Variants in THADA observed in about 807,000 individuals in gnomAD.
The protein encoded by THADA is tRNA (32-2'-O)-methyltransferase regulator THADA.
A neutral mutation model predicts 219.8 loss-of-function variants in THADA; 213 were observed. That is an observed-to-expected ratio of 0.97 (90% confidence interval 0.87 to 1.09). The LOEUF (loss-of-function observed/expected upper bound fraction) is 1.09, where lower values mean the gene tolerates loss of function less well. Ranked by LOEUF, THADA falls within the 50% of genes least tolerant of loss-of-function variation. The pLI is 0.00. For missense variants in THADA, 2,956 were observed against 2,311.3 expected (o/e 1.28, Z -5.72); for synonymous variants, 1,018 against 828.9 (o/e 1.23, Z -3.92).
intron 24 of THADA, among the ~76,000 whole-genome samples, chr2:43,501,486 A>C (rs1358978192): frequency 6.6e-6 from 1 of 152,148 alleles, no homozygotes; most frequent in African/African-American, 2.4e-5. Flanking sequence ...AATTCTAACC[A>C]AAATTCCAAA....
At chr2:43,265,373 A>G (rs138559868) in intron 36 of THADA, among the ~76,000 whole-genome samples, 2 of 152,350 alleles carry the variant, frequency 1.3e-5, no homozygotes, top group East Asian at 1.9e-4. Context: ...CAGAGCCTCA[A>G]TCACTCTGCT....
intron 29 of THADA, among the ~76,000 whole-genome samples, chr2:43,361,590 T>C (rs2104590278): frequency 6.6e-6 from 1 of 152,354 alleles, no homozygotes; most frequent in Admixed American, 6.5e-5. Flanking sequence ...TGGCAGGTGT[T>C]TTGACTTGAC....
At chr2:43,580,123 CAACT>C (rs750786733) in intron 8 of THADA, among the ~76,000 whole-genome samples, 85 of 147,154 alleles carry the variant, frequency 5.8e-4, no homozygotes, top group Non-Finnish European at 1.1e-3. Context: ...CTCCCGGGTT[CAACT>C]GATTCCCCTG....
chr2:43,259,953 G>C (rs1364174041), intron 36 of THADA, among the ~76,000 whole-genome samples: 1 of 152,152 alleles, frequency 6.6e-6, no homozygotes, highest in Non-Finnish European at 1.5e-5. Flanking sequence ...GATCATGCCT[G>C]TTCCTTCACA....
chr2:43,347,100 C>G (rs977927450), intron 29 of THADA, among the ~76,000 whole-genome samples: 1 of 152,044 alleles, frequency 6.6e-6, no homozygotes, highest in Non-Finnish European at 1.5e-5. Flanking sequence ...GGCAGGAAGG[C>G]TAGATTAGTG....
chr2:43,397,288 G>A (rs1383846740), intron 29 of THADA, among the ~76,000 whole-genome samples: 1 of 152,090 alleles, frequency 6.6e-6, no homozygotes, highest in Non-Finnish European at 1.5e-5. Context: ...CTAACCGCAT[G>A]CCTATATGAG....
intron 29 of THADA, among the ~76,000 whole-genome samples, chr2:43,345,789 A>G (rs981557840): frequency 1.3e-5 from 2 of 152,206 alleles, no homozygotes; most frequent in African/African-American, 4.8e-5. Context: ...GACACCAGCA[A>G]AATGCATGAC....
At chr2:43,467,296 A>T (rs1044969125) in intron 26 of THADA, among the ~76,000 whole-genome samples, 2 of 152,162 alleles carry the variant, frequency 1.3e-5, no homozygotes, top group African/African-American at 4.8e-5. Context: ...ATGTAGTGCA[A>T]ATTTGAACAC....
chr2:43,482,648 G>C (rs1202788001), intron 26 of THADA, among the ~76,000 whole-genome samples: 1 of 152,048 alleles, frequency 6.6e-6, no homozygotes, highest in Non-Finnish European at 1.5e-5. Flanking sequence ...TTATTCATTA[G>C]GCAATTATTC....
intron 25 of THADA, among the ~76,000 whole-genome samples, chr2:43,497,555 A>G (rs565966132): frequency 6.6e-6 from 1 of 152,252 alleles, no homozygotes; most frequent in South Asian, 2.1e-4. Flanking sequence ...AGGGAGGGAG[A>G]ACATCAGGAC....
intron 29 of THADA, among the ~76,000 whole-genome samples, chr2:43,375,581 T>C (rs2104636402): frequency 6.6e-6 from 1 of 152,286 alleles, no homozygotes; most frequent in African/African-American, 2.4e-5. Flanking sequence ...TCCAAAAGAG[T>C]AGCGTTAAAG....
Position 43,231,229 on chromosome 2 carries a change from G to A in THADA, c.5581C>T (p.Arg1861Cys), listed in dbSNP as rs775528670. The A allele has an allele frequency of 2.2e-5, 35 of 1,613,592 alleles. No individual in the cohort carries two copies. Among genetic ancestry groups the A allele is most frequent in the East Asian group, 6.7e-5 (3 of 44,870 alleles). ...LFCLLSKSGWRPPSPEMLCHL... is the reference protein window; with the variant it reads ...LFCLLSKSGWCPPSPEMLCHL... ...CAGAGCATCTCAGGGCTTGGGGGACGCCAGCCGGACTTTGAGAGGAGACAG... is the reference window on the plus strand; with the variant it reads ...CAGAGCATCTCAGGGCTTGGGGGACACCAGCCGGACTTTGAGAGGAGACAG... Residue 1861 changes from arginine (R) to cysteine (C), a missense_variant, in exon 38 of 38, where the codon CGT (arginine) becomes TGT (cysteine). Coordinates refer to ENST00000405975, the MANE Select transcript of THADA (RefSeq NM_022065.5).
At chr2:43,280,790 C>G (rs1462334041) in intron 35 of THADA, among the ~76,000 whole-genome samples, 1 of 152,208 alleles carries the variant, frequency 6.6e-6, no homozygotes, top group Non-Finnish European at 1.5e-5. Context: ...GTGCTAGGTG[C>G]TGCTGCGGAC....
intron 29 of THADA, among the ~76,000 whole-genome samples, chr2:43,351,239 C>T (rs964186481): frequency 1.3e-5 from 2 of 152,206 alleles, no homozygotes; most frequent in African/African-American, 4.8e-5. Flanking sequence ...CTTTCAACCT[C>T]CTAAAGAATG....
At chr2:43,239,509 T>G (rs1248148589) in intron 36 of THADA, among the ~76,000 whole-genome samples, 1 of 152,254 alleles carries the variant, frequency 6.6e-6, no homozygotes, top group Non-Finnish European at 1.5e-5. Context: ...TCACAGACTT[T>G]GAGGTTGCTT....
At chr2:43,278,170 T>C (rs1407178498) in intron 36 of THADA, among the ~76,000 whole-genome samples, 2 of 152,052 alleles carry the variant, frequency 1.3e-5, no homozygotes, top group Non-Finnish European at 2.9e-5. Context: ...AGGCTAGTCT[T>C]GAACTTCTGA....
At chr2:43,326,444 G>A (rs924066628) in intron 30 of THADA, among the ~76,000 whole-genome samples, 2 of 152,132 alleles carry the variant, frequency 1.3e-5, no homozygotes, top group African/African-American at 4.8e-5. Flanking sequence ...TATGGGGGGC[G>A]GGAATTGGAA....
chr2:43,592,351 C>A lies in THADA; in HGVS notation c.42G>T (p.Leu14=). The part of the protein sequence containing the change: ...KKKKEMQVAA[L]TICHQDLETL... ...TTTCAAGGTCCTGATGGCAAATGGT[C>A]AGCGCAGCAACTTGCATTTCTTTCT... Residue 14 remains leucine, a synonymous_variant, in exon 2 of 38, where the codon CTG becomes CTT. Coordinates refer to ENST00000405975, the MANE Select transcript of THADA (RefSeq NM_022065.5). The A allele has an allele frequency of 6.2e-7, 1 of 1,608,714 alleles. No individual in the cohort carries two copies. Among genetic ancestry groups the A allele is most frequent in the South Asian group, 1.1e-5 (1 of 89,574 alleles).
chr2:43,251,632 G>GAGCT (rs1669817551), intron 36 of THADA, among the ~76,000 whole-genome samples: 1 of 152,230 alleles, frequency 6.6e-6, no homozygotes, highest in African/African-American at 2.4e-5. Context: ...GGGCCACAGG[G>GAGCT]AGCTGTGTCC....
Sources: gnomAD v4.1 joint callset for allele counts (sites outside exome capture counted in the v4.1 genomes callset) on GRCh38, gnomAD v4.1.1 for gene constraint, MANE v1.5 for transcripts, NCBI Gene and HGNC (gene_info 2026-07-23, HGNC 2026-07-21) for gene names.